Variants in CHRD observed in about 807,000 individuals in gnomAD.
The protein encoded by CHRD is chordin.
In CHRD, 69 loss-of-function variants were observed where a neutral mutation model predicts 113.7. That is an observed-to-expected ratio of 0.61 (90% CI 0.50 to 0.74). The LOEUF (loss-of-function observed/expected upper bound fraction) is 0.74, where lower values mean the gene tolerates loss of function less well. Ranked by LOEUF, CHRD falls within the 30% of genes least tolerant of loss-of-function variation. The probability of loss-of-function intolerance (pLI) is 0.00; values close to 1 mark genes in which losing one functional copy is unlikely to be tolerated. For missense variants in CHRD, 1,194 were observed against 1,295.8 expected (o/e 0.92, Z 1.21); for synonymous variants, 561 against 540.8 (o/e 1.04, Z -0.52).
exon 16 of CHRD, chr3:184,386,596 G>A (rs772599596): frequency 1.9e-6 from 3 of 1,600,012 alleles, no homozygotes; most frequent in African/African-American, 2.7e-5. Context: ...CTGCTGCGCC[G>A]CCTGTGGTGC....
Position 184,381,929 on chromosome 3 carries a change from C to G in CHRD, c.612-4C>G, listed in dbSNP as rs762832987. ...TCCGGCCTCACCCGACCTCTCATTC[C>G]CAGGCTGGACCGCCCTACCAGGATC... On this transcript the variant is annotated splice_polypyrimidine_tract_variant and splice_region_variant and intron_variant, in intron 5 of 22. Coordinates refer to ENST00000204604, the Ensembl canonical transcript of CHRD. This position sits in a 1 kb window ranked among gnomAD's most constrained non-coding sequence, Gnocchi z 4.7. 4 of 1,614,074 alleles carry G rather than the reference C, an allele frequency of 2.5e-6. No individual in the cohort carries two copies. In the East Asian group the frequency reaches 8.9e-5, roughly 36 times the overall value.
chr3:184,382,897 G>C, exon 9 of CHRD: 1 of 1,613,864 alleles, frequency 6.2e-7, no homozygotes, highest in Non-Finnish European at 8.5e-7. Flanking sequence ...TCTACACCAG[G>C]GGCAGCTACT....
In CHRD at chr3:184,384,606, A is replaced by C. The variant is rs762349111; in HGVS notation, c.1510A>C (p.Asn504His). The change falls in exon 13 of 23, where the codon AAC becomes CAC. Residue 504 changes from asparagine to histidine, a missense_variant. Coordinates refer to ENST00000204604, the Ensembl canonical transcript of CHRD. The surrounding 1 kb of genome is among the most constrained non-coding windows in gnomAD (Gnocchi z 4.4). ...GCTGCTGCAGAATGAGCTCTTCCTGAACGTGGGCACCAAGGACTTCCCAGA... is the reference window on the plus strand; with the variant it reads ...GCTGCTGCAGAATGAGCTCTTCCTGCACGTGGGCACCAAGGACTTCCCAGA... 1.9e-6 allele frequency: 3 copies of C among 1,609,662 alleles called. No homozygotes were observed. Among genetic ancestry groups the C allele is most frequent in the Non-Finnish European group, 1.7e-6 (2 of 1,177,950 alleles).
At chr3:184,383,334 G>T in exon 11 of CHRD, 1 of 1,613,836 alleles carries the variant, frequency 6.2e-7, no homozygotes, top group Non-Finnish European at 8.5e-7. Context: ...TCCTTTGTGG[G>T]GCTGATGCCC....
chr3:184,381,445 G>T lies in CHRD; in HGVS notation c.383-51G>T. The T allele has an allele frequency of 1.3e-6, 2 of 1,595,592 alleles. No individual in the cohort carries two copies. The highest frequency in any genetic ancestry group is 1.7e-6 in the Non-Finnish European group (2 of 1,171,250). On this transcript the variant is annotated intron_variant, in intron 3 of 22. Transcript: ENST00000204604. This position sits in a 1 kb window ranked among gnomAD's most constrained non-coding sequence, Gnocchi z 4.7. ...GGCCACTTGGATGGGGCGTCGGACT[G>T]GCCTTTCCCATGGCCAGCTGAAGCC...
chr3:184,387,017 A>G lies in CHRD; in HGVS notation c.2291-34A>G. The G allele has an allele frequency of 6.2e-7, 1 of 1,613,838 alleles. No homozygotes were observed. Among genetic ancestry groups the G allele is most frequent in the Non-Finnish European group, 8.5e-7 (1 of 1,179,788 alleles). On this transcript the variant is annotated intron_variant, in intron 17 of 22. Transcript: ENST00000204604. This position sits in a 1 kb window ranked among gnomAD's most constrained non-coding sequence, Gnocchi z 6.1. ...CTTTGGGGAGGGAATGAGGGTGGTC[A>G]CTCTCTGCTTTCACCATTTCTTTGG...
At chr3:184,382,873 T>C (rs1369024117) in exon 9 of CHRD, 22 of 1,613,154 alleles carry the variant, frequency 1.4e-5, no homozygotes, top group African/African-American at 1.2e-4. Flanking sequence ...CCAGGTTCCC[T>C]TGAGGCTCCA....
chr3:184,382,748 G>T (rs762183304), exon 8 of CHRD: 1 of 1,613,984 alleles, frequency 6.2e-7, no homozygotes, highest in Admixed American at 1.7e-5. Flanking sequence ...CTGCTCTTCC[G>T]AGGGCTGCTG....
chr3:184,384,439 A>G lies in CHRD; in HGVS notation c.1441-98A>G. On this transcript the variant is annotated intron_variant, in intron 12 of 22. Transcript: ENST00000204604. The surrounding 1 kb of genome is among the most constrained non-coding windows in gnomAD (Gnocchi z 4.4). ...CTTATCCTGTGTTTCTGGTGTGTGG[A>G]AGTGTGTGTGGGTGGAGTGGGGGCA... 1 of 1,306,884 alleles carries G rather than the reference A, an allele frequency of 7.7e-7. No homozygotes were observed. The allele number at this position is 1,306,884 out of a possible 1,614,324, so 81.0% of individuals were successfully genotyped here.
At chr3:184,386,146 A>T (rs1250706317) in exon 15 of CHRD, 8 of 1,613,936 alleles carry the variant, frequency 5.0e-6, no homozygotes, top group Non-Finnish European at 6.8e-6. Context: ...CCCAGAGGGG[A>T]GCTCCGAGGG....
In CHRD at chr3:184,388,992, C is replaced by T. The variant is rs142339785; in HGVS notation, c.2809C>T (p.Arg937Trp). The T allele has an allele frequency of 1.4e-4, 227 of 1,607,968 alleles. No individual in the cohort carries two copies. The highest frequency in any genetic ancestry group is 1.8e-4 in the Non-Finnish European group (215 of 1,177,936). Residue 937 changes from arginine to tryptophan, a missense_variant, in exon 22 of 23, where the codon CGG becomes TGG. Transcript: ENST00000204604. The surrounding 1 kb of genome is among the most constrained non-coding windows in gnomAD (Gnocchi z 6.1). ...CTGTTCCCGCTGCACGGCCCACCGGCGGCGTAAGTGAGGGAGTCCAGGGTC... is the reference window on the plus strand; with the variant it reads ...CTGTTCCCGCTGCACGGCCCACCGGTGGCGTAAGTGAGGGAGTCCAGGGTC...
chr3:184,390,544 A>ACCT (rs1716988947), downstream of CHRD: 1 of 151,758 alleles, frequency 6.6e-6, no homozygotes, highest in African/African-American at 2.4e-5. Context: ...GGCTGTGCTT[A>ACCT]CCTTGAGACC....
At position 184,382,846 on chromosome 3, in the gene CHRD, G is replaced by A. The variant is rs768710787; in HGVS notation, c.983-10G>A. The A allele has an allele frequency of 3.7e-6, 6 of 1,612,428 alleles. No individual in the cohort carries two copies. In the Admixed American group the frequency reaches 5.0e-5, roughly 13 times the overall value. On this transcript the variant is annotated splice_polypyrimidine_tract_variant and intron_variant, in intron 8 of 22. Transcript: ENST00000204604. ...CTGTCTCAGAAAGGCCCACATGTGCGGCCTTGCAGGACTAACCCAGGTTCC... is the reference window on the plus strand; with the variant it reads ...CTGTCTCAGAAAGGCCCACATGTGCAGCCTTGCAGGACTAACCCAGGTTCC...
downstream of CHRD, chr3:184,390,550 A>G (rs1716989086): frequency 6.6e-6 from 1 of 151,878 alleles, no homozygotes; most frequent in Non-Finnish European, 1.5e-5. Flanking sequence ...GCTTACCTTG[A>G]GACCAAATCA....
chr3:184,381,526 GC>G lies in CHRD; in HGVS notation c.415del (p.Leu139CysfsTer38). On this transcript the variant is annotated frameshift_variant, in exon 4 of 23. Coordinates refer to ENST00000204604, the Ensembl canonical transcript of CHRD. LOFTEE classifies it high-confidence loss of function. This position sits in a 1 kb window ranked among gnomAD's most constrained non-coding sequence, Gnocchi z 4.7. ...AGCAGTTCGGAGCGGCAGCCGAGCGGCCTGTCCTTCGAGTATCCGCGGGACC... is the reference window on the plus strand; with the variant it reads ...AGCAGTTCGGAGCGGCAGCCGAGCGGCTGTCCTTCGAGTATCCGCGGGACC... 6.2e-7 allele frequency: 1 copy of G among 1,604,202 alleles called. No homozygotes were observed. The highest frequency in any genetic ancestry group is 8.5e-7 in the Non-Finnish European group (1 of 1,175,986).
At chr3:184,383,023 G>A in exon 10 of CHRD, 1 of 1,612,548 alleles carries the variant, frequency 6.2e-7, no homozygotes. Flanking sequence ...CAGGAACCAG[G>A]CTTTGCTGAG....
At position 184,381,760 on chromosome 3, in the gene CHRD, C is replaced by T; in HGVS notation, c.556C>T (p.Arg186Ter). The T allele has an allele frequency of 6.2e-7, 1 of 1,613,126 alleles. No individual in the cohort carries two copies. Among genetic ancestry groups the T allele is most frequent in the Non-Finnish European group, 8.5e-7 (1 of 1,179,962 alleles). Residue 186 changes from arginine to a stop codon, truncating the protein, a stop_gained, in exon 5 of 23, where the codon CGA (arginine) becomes TGA (stop). Transcript: ENST00000204604. LOFTEE classifies it high-confidence loss of function. This position sits in a 1 kb window ranked among gnomAD's most constrained non-coding sequence, Gnocchi z 4.7. ...AGGGCCGAGGTCGCAGGCGGTGGCA[C>T]GAGCCCGAGTCTCGCTGCTGCGCTC...
rs2108662665 is a variant in CHRD, at chr3:184,388,352, C to A, written c.2555-235C>A. Among the ~76,000 whole-genome samples the A allele has an allele frequency of 6.6e-6, 1 of 151,288 alleles. No individual in the cohort carries two copies. The highest frequency in any genetic ancestry group is 1.5e-5 in the Non-Finnish European group (1 of 67,816). On this transcript the variant is annotated intron_variant, in intron 20 of 22. Coordinates refer to ENST00000204604, the Ensembl canonical transcript of CHRD. The surrounding 1 kb of genome is among the most constrained non-coding windows in gnomAD (Gnocchi z 6.1). ...TGATGCATCCATCCATGCATCCATC[C>A]ATCCCTCCATCCATCCACCCATCCA...
chr3:184,384,710 G>A lies in CHRD; in HGVS notation c.1597+17G>A, dbSNP rs181151683. The A allele has an allele frequency of 1.2e-4, 182 of 1,531,270 alleles. No individual in the cohort carries two copies. The East Asian group carries it at 3.0e-3, about 25-fold the overall frequency. The allele number at this position is 1,531,270 out of a possible 1,614,324, so 94.9% of individuals were successfully genotyped here. A position where few individuals can be genotyped will look rare whatever the true frequency, so the allele number is the denominator to read the frequency against. ...GCCATGACAGTGAGTGTCCTTAGGG[G>A]TCTGTCTGCCCTTTGGTTTCCTAGA... On this transcript the variant is annotated intron_variant, in intron 13 of 22. Coordinates refer to ENST00000204604, the Ensembl canonical transcript of CHRD. The surrounding 1 kb of genome is among the most constrained non-coding windows in gnomAD (Gnocchi z 4.4).
Sources: gnomAD v4.1 joint callset for allele counts (sites outside exome capture counted in the v4.1 genomes callset) on GRCh38, gnomAD v4.1.1 for gene constraint, Gnocchi (gnomAD v3.1) non-coding constraint, MANE v1.5 for transcripts, NCBI Gene and HGNC (gene_info 2026-07-23, HGNC 2026-07-21) for gene names.